The following SMYD3 variants were observed in gnomAD, a reference collection of about 807,000 sequenced individuals.
SMYD3 encodes the protein SET and MYND domain containing 3, also known as histone-lysine N-methyltransferase SMYD3.
Under a neutral mutation model 57.7 loss-of-function variants are expected in SMYD3, and 36 were observed. The ratio of observed to expected loss-of-function variants is 0.62; its 90% CI spans 0.48 to 0.82. The LOEUF is 0.82. SMYD3 is among the 40% of genes least tolerant of loss of function. The pLI, the probability that SMYD3 is intolerant of heterozygous loss-of-function variation, is 0.00. For synonymous variants in SMYD3, 211 were observed against 195.0 expected (o/e 1.08, Z -0.68); for missense variants, 515 against 538.8 (o/e 0.96, Z 0.44).
intron 5 of SMYD3, among the ~76,000 whole-genome samples, chr1:246,111,770 CT>C (rs1031625214): frequency 1.3e-5 from 2 of 152,200 alleles, no homozygotes; most frequent in East Asian, 1.9e-4. Context: ...AGTGACACTG[CT>C]TTTTCCCAGA....
chr1:246,363,017 G>A (rs34494602), intron 1 of SMYD3, among the ~76,000 whole-genome samples: 36,903 of 150,202 alleles, frequency 0.25, 4,762 homozygotes, highest in East Asian at 0.5. Flanking sequence ...AGGAAGTGAG[G>A]AGCGTCTCTG....
intron 11 of SMYD3, among the ~76,000 whole-genome samples, chr1:245,753,660 G>T (rs980781340): frequency 6.6e-6 from 1 of 152,120 alleles, no homozygotes; most frequent in Non-Finnish European, 1.5e-5. Context: ...TGTACGGAGA[G>T]GGCCCTGTGT....
intron 1 of SMYD3, among the ~76,000 whole-genome samples, chr1:246,413,438 A>G (rs1318087495): frequency 2.6e-5 from 4 of 152,148 alleles, no homozygotes; most frequent in Non-Finnish European, 5.9e-5. Flanking sequence ...CAACAGCGCT[A>G]TTCCCAACAG....
chr1:246,247,923 A>G (rs971696657), intron 5 of SMYD3, among the ~76,000 whole-genome samples: 9 of 152,176 alleles, frequency 5.9e-5, no homozygotes, highest in South Asian at 2.1e-4. Context: ...CTATCTGAGA[A>G]GTAAGTTTTC....
intron 8 of SMYD3, among the ~76,000 whole-genome samples, chr1:245,901,383 C>T (rs942003815): frequency 1.3e-5 from 2 of 152,108 alleles, no homozygotes; most frequent in African/African-American, 2.4e-5. Context: ...TTTCTTTAGA[C>T]AATCTGATTA....
intron 5 of SMYD3, among the ~76,000 whole-genome samples, chr1:245,943,733 A>G (rs1460469522): frequency 1.3e-5 from 2 of 152,234 alleles, no homozygotes; most frequent in Admixed American, 6.5e-5. Flanking sequence ...AAAATCCTCA[A>G]TAAAATACTG....
chr1:245,886,253 C>T (rs149315837), intron 8 of SMYD3, among the ~76,000 whole-genome samples: 420 of 152,118 alleles, frequency 2.8e-3, no homozygotes, highest in Admixed American at 8.8e-3. Flanking sequence ...ACATTATCAA[C>T]GCTTTCATAA....
chr1:245,935,182 T>C (rs758979811), intron 5 of SMYD3, among the ~76,000 whole-genome samples: 2 of 152,128 alleles, frequency 1.3e-5, no homozygotes, highest in Non-Finnish European at 2.9e-5. Context: ...ACCTAAAATA[T>C]ATAAGAAACT....
At chr1:246,268,998 C>A (rs2064165355) in intron 5 of SMYD3, among the ~76,000 whole-genome samples, 1 of 152,156 alleles carries the variant, frequency 6.6e-6, no homozygotes, top group Non-Finnish European at 1.5e-5. Flanking sequence ...TTACAGGTTC[C>A]CATTACTAAA....
intron 5 of SMYD3, chr1:246,322,250 C>T (rs906702486): frequency 1.3e-5 from 2 of 152,320 alleles, no homozygotes; most frequent in African/African-American, 4.8e-5. Context: ...CCTGTAATCC[C>T]AGCTACTCAG....
intron 5 of SMYD3, among the ~76,000 whole-genome samples, chr1:246,313,472 T>C (rs2065111152): frequency 6.6e-6 from 1 of 152,158 alleles, no homozygotes; most frequent in African/African-American, 2.4e-5. Flanking sequence ...GGAAAGGAAA[T>C]TCTATTAAGG....
At chr1:246,470,386 C>T (rs1290487180) in intron 1 of SMYD3, among the ~76,000 whole-genome samples, 3 of 151,838 alleles carry the variant, frequency 2.0e-5, no homozygotes, top group African/African-American at 7.3e-5. Flanking sequence ...ATCCCAGCTA[C>T]TCAGGAGGCC....
At chr1:246,438,946 C>T (rs1014250699) in intron 1 of SMYD3, among the ~76,000 whole-genome samples, 6 of 151,862 alleles carry the variant, frequency 4.0e-5, no homozygotes, top group Non-Finnish European at 8.8e-5. Flanking sequence ...CTCGTTCACC[C>T]GCCACTCACT....
At chr1:246,020,443 T>C (rs1235141416) in intron 5 of SMYD3, among the ~76,000 whole-genome samples, 3 of 152,200 alleles carry the variant, frequency 2.0e-5, no homozygotes, top group Non-Finnish European at 4.4e-5. Context: ...AGTCTGTAAA[T>C]TCTGTTTCCT....
chr1:246,365,213 A>T (rs1360530406), intron 1 of SMYD3, among the ~76,000 whole-genome samples: 2 of 152,136 alleles, frequency 1.3e-5, no homozygotes, highest in African/African-American at 4.8e-5. Context: ...TAAGAGTTAG[A>T]CATTATAAAT....
chr1:246,180,262 T>C (rs182185414), intron 5 of SMYD3, among the ~76,000 whole-genome samples: 2 of 147,328 alleles, frequency 1.4e-5, no homozygotes, highest in African/African-American at 4.9e-5. Context: ...AATCTCTCTC[T>C]ATATATATGT....
intron 5 of SMYD3, among the ~76,000 whole-genome samples, chr1:246,048,055 G>A (rs995864512): frequency 6.6e-6 from 1 of 151,952 alleles, no homozygotes; most frequent in Non-Finnish European, 1.5e-5. Flanking sequence ...ATGTCACAAA[G>A]AACACCTATA....
chr1:246,441,002 A>C (rs981338634), intron 1 of SMYD3, among the ~76,000 whole-genome samples: 2 of 152,156 alleles, frequency 1.3e-5, no homozygotes, highest in African/African-American at 4.8e-5. Context: ...GTTAGTGGGG[A>C]GCAACATGGT....
At chr1:246,270,886 G>C (rs4598462) in intron 5 of SMYD3, among the ~76,000 whole-genome samples, 50,881 of 151,920 alleles carry the variant, frequency 0.33, 9,384 homozygotes, top group East Asian at 0.72. Context: ...TTTTTGAGTT[G>C]CCGCCATACT....
Sources: gnomAD v4.1 joint callset for allele counts (sites outside exome capture counted in the v4.1 genomes callset) on GRCh38, gnomAD v4.1.1 for gene constraint, MANE v1.5 for transcripts, NCBI Gene and HGNC (gene_info 2026-07-23, HGNC 2026-07-21) for gene names.